Variants in FRMPD1 observed in about 807,000 individuals in gnomAD.
FRMPD1 encodes the protein FERM and PDZ domain-containing protein 1.
In FRMPD1, 76 loss-of-function variants were observed where a neutral mutation model predicts 117.8. The observed-to-expected ratio is 0.65, with a 90% CI of 0.54 to 0.78. The LOEUF (loss-of-function observed/expected upper bound fraction) is 0.78, where lower values mean the gene tolerates loss of function less well. Among genes scored for constraint, FRMPD1 ranks in the 30% least tolerant of loss-of-function variants. The pLI is 0.00. For missense variants in FRMPD1, 1,786 were observed against 1,964.5 expected, an observed-to-expected ratio of 0.91 and a Z score of 1.72; for synonymous variants, 783 against 770.4, an observed-to-expected ratio of 1.02 and a Z score of -0.27.
chr9:37,623,913 A>G, the FRMPD1 span, among the ~76,000 whole-genome samples: 1 of 152,234 alleles, frequency 6.6e-6, no homozygotes, highest in Non-Finnish European at 1.5e-5. Context: ...TGGACATTTT[A>G]GGCTCACTAC....
chr9:37,643,920 T>G, the FRMPD1 span, among the ~76,000 whole-genome samples: 1 of 152,212 alleles, frequency 6.6e-6, no homozygotes, highest in African/African-American at 2.4e-5. Flanking sequence ...GGGGTTGCGC[T>G]GCTGTGTGCC....
the FRMPD1 span, among the ~76,000 whole-genome samples, chr9:37,610,081 A>G: frequency 6.6e-6 from 1 of 152,192 alleles, no homozygotes; most frequent in Non-Finnish European, 1.5e-5. Flanking sequence ...ACTTGCCACC[A>G]TTGAACATAC....
At chr9:37,706,200 A>T (rs2118138588) in intron 2 of FRMPD1, among the ~76,000 whole-genome samples, 1 of 152,210 alleles carries the variant, frequency 6.6e-6, no homozygotes, top group South Asian at 2.1e-4. Flanking sequence ...ATTTGCTCTA[A>T]GTCAGGGCCT....
intron 14 of FRMPD1, among the ~76,000 whole-genome samples, chr9:37,738,777 T>G (rs1297959200): frequency 1.3e-5 from 2 of 151,970 alleles, no homozygotes; most frequent in Non-Finnish European, 2.9e-5. Flanking sequence ...TCAGAGAAAG[T>G]TCTCTAGAGG....
At chr9:37,703,578 C>A (rs530966989) in intron 2 of FRMPD1, among the ~76,000 whole-genome samples, 2 of 152,206 alleles carry the variant, frequency 1.3e-5, no homozygotes, top group East Asian at 3.9e-4. Context: ...TTGAAGTGTA[C>A]AATTCAATGG....
At chr9:37,713,247 A>T (rs1822977601) in intron 5 of FRMPD1, among the ~76,000 whole-genome samples, 1 of 152,176 alleles carries the variant, frequency 6.6e-6, no homozygotes, top group Non-Finnish European at 1.5e-5. Flanking sequence ...AAACAGTATG[A>T]TATTGGTGAA....
intron 4 of FRMPD1, among the ~76,000 whole-genome samples, chr9:37,708,938 T>C (rs1384724850): frequency 1.3e-5 from 2 of 152,186 alleles, no homozygotes; most frequent in African/African-American, 4.8e-5. Flanking sequence ...CAGGTGCATC[T>C]TGGTTGGCAT....
chr9:37,712,400 G>T (rs981601523), intron 5 of FRMPD1, among the ~76,000 whole-genome samples: 1 of 152,188 alleles, frequency 6.6e-6, no homozygotes, highest in Non-Finnish European at 1.5e-5. Context: ...CCGTCGTGCA[G>T]ACTGGAGTGC....
chr9:37,723,938 G>A (rs1823505307), intron 6 of FRMPD1, among the ~76,000 whole-genome samples: 1 of 152,064 alleles, frequency 6.6e-6, no homozygotes, highest in Non-Finnish European at 1.5e-5. Flanking sequence ...GGTGGAAGTT[G>A]CAGTGAGCCA....
In FRMPD1 at chr9:37,740,356, G is replaced by A; in HGVS notation, c.1828G>A (p.Asp610Asn). The part of the protein sequence containing the change: ...YRTSGSSESM[D>N]ALEEDDLDTC... ...GACCAGTGGCTCGAGTGAGTCCATGGACGCTCTGGAAGAGGATGACTTAGA... is the reference window on the plus strand; with the variant it reads ...GACCAGTGGCTCGAGTGAGTCCATGAACGCTCTGGAAGAGGATGACTTAGA... The change falls in exon 15 of 16, where the codon GAC (aspartate) becomes AAC (asparagine). Residue 610 changes from aspartate to asparagine, a missense_variant. Coordinates refer to ENST00000377765, the MANE Select transcript of FRMPD1 (RefSeq NM_014907.3). The surrounding 1 kb of genome is among the most constrained non-coding windows in gnomAD (Gnocchi z 4.2). The A allele has an allele frequency of 1.2e-6, 2 of 1,613,708 alleles. No homozygotes were observed. Among genetic ancestry groups the A allele is most frequent in the Non-Finnish European group, 1.7e-6 (2 of 1,180,014 alleles).
chr9:37,743,804 G>A (rs1824541557), intron 15 of FRMPD1, among the ~76,000 whole-genome samples: 1 of 151,452 alleles, frequency 6.6e-6, no homozygotes, highest in Non-Finnish European at 1.5e-5. Context: ...AGGCTGAGGT[G>A]GGAGGATTGC....
rs201690567 is a variant in FRMPD1, at chr9:37,744,668, C to T, written c.2636C>T (p.Ala879Val). ...YDREPYLALG[A>V]PSPTVSSLQD... ...AGGGAGCCCTACCTGGCCCTTGGTG[C>T]ACCCTCCCCAACTGTGTCCTCTCTG... Residue 879 changes from alanine to valine, a missense_variant, in exon 16 of 16, where the codon GCA becomes GTA. Coordinates refer to ENST00000377765, the MANE Select transcript of FRMPD1 (RefSeq NM_014907.3). 27 of 1,613,922 alleles carry T rather than the reference C, an allele frequency of 1.7e-5. No individual in the cohort carries two copies. Among genetic ancestry groups the T allele is most frequent in the Non-Finnish European group, 2.1e-5 (25 of 1,179,968 alleles).
At chr9:37,673,310 T>C (rs1490960511) in intron 1 of FRMPD1, among the ~76,000 whole-genome samples, 8 of 152,116 alleles carry the variant, frequency 5.3e-5, no homozygotes, top group Non-Finnish European at 2.9e-5. Context: ...TCCAAAATGA[T>C]CTCCTTTGAC....
At chr9:37,707,721 T>C (rs1389530468) in intron 3 of FRMPD1, 148 bp downstream of exon 3, 1 of 668,140 alleles carries the variant, frequency 1.5e-6, no homozygotes, top group Non-Finnish European at 2.5e-6. Flanking sequence ...TCTTGGGCTT[T>C]GCACCTTACT....
At chr9:37,710,882 C>T (rs904506312) in intron 4 of FRMPD1, among the ~76,000 whole-genome samples, 12 of 150,066 alleles carry the variant, frequency 8.0e-5, no homozygotes, top group East Asian at 2.0e-4. Context: ...TCTTTGAACC[C>T]GGGAGGCGGA....
At chr9:37,658,763 A>G (rs530908013) in intron 1 of FRMPD1, among the ~76,000 whole-genome samples, 10 of 152,364 alleles carry the variant, frequency 6.6e-5, no homozygotes, top group South Asian at 6.2e-4. Context: ...ATCCAAGGAT[A>G]AGCACGTCAT....
At chr9:37,683,774 T>C (rs1417819813) in intron 1 of FRMPD1, among the ~76,000 whole-genome samples, 1 of 150,240 alleles carries the variant, frequency 6.7e-6, no homozygotes, top group African/African-American at 2.5e-5. Flanking sequence ...AGTTGGCGGG[T>C]AGGCAGGGCC....
upstream of FRMPD1, among the ~76,000 whole-genome samples, chr9:37,646,889 G>A (rs1455670319): frequency 6.6e-6 from 1 of 152,196 alleles, no homozygotes; most frequent in Non-Finnish European, 1.5e-5. Flanking sequence ...CAGGTAAGGG[G>A]AAGGTATGGG....
At chr9:37,701,939 G>A (rs185753225) in intron 2 of FRMPD1, among the ~76,000 whole-genome samples, 87 of 152,166 alleles carry the variant, frequency 5.7e-4, no homozygotes, top group African/African-American at 2.0e-3. Context: ...AGATCTTCTC[G>A]TGTTGTGAGT....
Sources: allele counts gnomAD v4.1 joint callset (sites outside exome capture counted in the v4.1 genomes callset), GRCh38; gene constraint gnomAD v4.1.1; non-coding constraint Gnocchi (gnomAD v3.1); transcripts MANE v1.5; gene names NCBI Gene and HGNC (gene_info 2026-07-23, HGNC 2026-07-21).